Variants in RAP1GDS1 observed in about 807,000 individuals in gnomAD.
The protein encoded by RAP1GDS1 is Rap1 GTPase-GDP dissociation stimulator 1, also known as RAP1, GTP-GDP dissociation stimulator 1.
In RAP1GDS1, 35 loss-of-function variants were observed where a neutral mutation model predicts 71.1. That is an observed-to-expected ratio of 0.49 (90% CI 0.38 to 0.65). The LOEUF (loss-of-function observed/expected upper bound fraction) is 0.65, where lower values mean the gene tolerates loss of function less well. Ranked by LOEUF, RAP1GDS1 falls within the 30% of genes least tolerant of loss-of-function variation. The probability of loss-of-function intolerance (pLI) is 0.00; values close to 1 mark genes in which losing one functional copy is unlikely to be tolerated. For missense variants in RAP1GDS1, 663 were observed against 706.1 expected (o/e 0.94, Z 0.69); for synonymous variants, 229 against 243.1 (o/e 0.94, Z 0.54).
At chr4:98,343,110 C>T (rs1270142132) in intron 2 of RAP1GDS1, 29 bp from the exon 3 acceptor site, 2 of 1,570,224 alleles carry the variant, frequency 1.3e-6, no homozygotes, top group Non-Finnish European at 1.7e-6. Flanking sequence ...AAGATTTTCA[C>T]TGAAGCTCTT....
intron 1 of RAP1GDS1, among the ~76,000 whole-genome samples, chr4:98,280,139 G>A (rs1454992696): frequency 6.6e-6 from 1 of 152,178 alleles, no homozygotes; most frequent in Non-Finnish European, 1.5e-5. Context: ...TGGGATTGCT[G>A]GGTCAAATGA....
At chr4:98,287,845 G>A (rs1480063227) in intron 1 of RAP1GDS1, among the ~76,000 whole-genome samples, 1 of 151,644 alleles carries the variant, frequency 6.6e-6, no homozygotes, top group East Asian at 1.9e-4. Context: ...TTAGTATTTA[G>A]GTACATTCCT....
intron 1 of RAP1GDS1, among the ~76,000 whole-genome samples, chr4:98,292,931 G>A (rs1314674289): frequency 6.6e-6 from 1 of 152,112 alleles, no homozygotes; most frequent in Admixed American, 6.6e-5. Context: ...TGAAATGACA[G>A]TGTAAGTTTT....
At position 98,363,352 on chromosome 4, in the gene RAP1GDS1, C is replaced by T. The variant is rs114421773; in HGVS notation, c.361+10751C>T. Among the ~76,000 whole-genome samples, 1,309 of 151,664 alleles carry T rather than the reference C, an allele frequency of 8.6e-3. 6 individuals are homozygous for T. Among genetic ancestry groups the T allele is most frequent in the Non-Finnish European group, 0.013 (903 of 67,878 alleles). On this transcript the variant is annotated intron_variant, in intron 4 of 14. Transcript: ENST00000408927. ...AATAAAAAATGAGCCATTATGGTGG[C>T]ACGTGTCTGTAATCCCAGCTACTCT...
chr4:98,396,432 A>G (rs1744560227), intron 6 of RAP1GDS1: 1 of 152,180 alleles, frequency 6.6e-6, no homozygotes, highest in African/African-American at 2.4e-5. Flanking sequence ...CATTGAAAAC[A>G]GTTTGATACA....
Position 98,363,348 on chromosome 4 carries a change from G to C in RAP1GDS1, c.361+10747G>C, listed in dbSNP as rs1319171655. ...ACAAAATAAAAAATGAGCCATTATG[G>C]TGGCACGTGTCTGTAATCCCAGCTA... is the stretch of plus-strand genomic sequence containing the variant. On this transcript the variant is annotated intron_variant, in intron 4 of 14. Transcript: ENST00000408927. Among the ~76,000 whole-genome samples, 3 of 151,714 alleles carry C rather than the reference G, an allele frequency of 2.0e-5. No individual in the cohort carries two copies. The East Asian group carries it at 5.8e-4, about 29-fold the overall frequency.
At chr4:98,290,712 ATAGT>A (rs565494029) in intron 1 of RAP1GDS1, among the ~76,000 whole-genome samples, 540 of 152,230 alleles carry the variant, frequency 3.5e-3, no homozygotes, top group Middle Eastern at 6.8e-3. Flanking sequence ...GCGAGGAATG[ATAGT>A]TAGCTGTTCA....
intron 4 of RAP1GDS1, among the ~76,000 whole-genome samples, chr4:98,376,451 T>G (rs1741199731): frequency 6.6e-6 from 1 of 152,068 alleles, no homozygotes; most frequent in African/African-American, 2.4e-5. Flanking sequence ...CTGTTGTATT[T>G]AAAATGATTT....
rs571489056 is a variant in RAP1GDS1, at chr4:98,415,904, C to T, written c.764-841C>T. Among the ~76,000 whole-genome samples the T allele has an allele frequency of 1.2e-4, 19 of 152,126 alleles. No homozygotes were observed. The East Asian group carries it at 1.9e-3, about 15-fold the overall frequency. ...AAACCTGAAGCCCTTTTTAAAAACA[C>T]GACTTTATTTATTTATTTATTTAAT... On this transcript the variant is annotated intron_variant, in intron 7 of 14. Transcript: ENST00000408927.
At chr4:98,320,452 C>T (rs958430491) in intron 2 of RAP1GDS1, among the ~76,000 whole-genome samples, 6 of 152,116 alleles carry the variant, frequency 3.9e-5, no homozygotes, top group East Asian at 1.9e-4. Flanking sequence ...CCAAGATGGC[C>T]GAATAGGAAC....
chr4:98,308,170 G>GTA (rs1421948878), intron 2 of RAP1GDS1, among the ~76,000 whole-genome samples: 1 of 150,694 alleles, frequency 6.6e-6, no homozygotes, highest in Non-Finnish European at 1.5e-5. Flanking sequence ...GTGTGTGTGT[G>GTA]TGTATGTATG....
intron 4 of RAP1GDS1, among the ~76,000 whole-genome samples, chr4:98,357,881 C>T (rs1249222375): frequency 6.6e-6 from 1 of 151,794 alleles, no homozygotes. Flanking sequence ...GTAAAGTAAG[C>T]TTGTGTGGAT....
intron 6 of RAP1GDS1, chr4:98,396,400 C>G (rs1385433398): frequency 6.6e-6 from 1 of 152,170 alleles, no homozygotes; most frequent in East Asian, 1.9e-4. Flanking sequence ...GCTGATTTCT[C>G]TGGTATACAG....
chr4:98,335,033 G>C (rs958129413), intron 2 of RAP1GDS1, among the ~76,000 whole-genome samples: 4 of 151,862 alleles, frequency 2.6e-5, no homozygotes, highest in Non-Finnish European at 4.4e-5. Context: ...TTGAGCTCTG[G>C]ATTTTCCTCG....
intron 7 of RAP1GDS1, among the ~76,000 whole-genome samples, chr4:98,415,302 T>A (rs562974329): frequency 4.6e-5 from 7 of 152,346 alleles, no homozygotes; most frequent in Middle Eastern, 3.4e-3. Context: ...TGTTTTACAA[T>A]CAGACTTCAT....
chr4:98,284,632 A>G (rs2110260808), intron 1 of RAP1GDS1, among the ~76,000 whole-genome samples: 1 of 152,188 alleles, frequency 6.6e-6, no homozygotes, highest in East Asian at 1.9e-4. Flanking sequence ...CTCCTATTGA[A>G]TCTGAGCACA....
At position 98,416,860 on chromosome 4, in the gene RAP1GDS1, A is replaced by C. The variant is rs745708668; in HGVS notation, c.879A>C (p.Ser293=). Residue 293 remains serine (S), a synonymous_variant, in exon 8 of 15, where the codon TCA becomes TCC. Transcript: ENST00000408927. ...ATATTACTGAGCTCAAAACTGGTTC[A>C]GATCTCATGGTTTTATTACTTCTTG... The part of the protein sequence containing the change: ...EDDITELKTG[S]DLMVLLLLGD... 1 of 1,613,880 alleles carries C rather than the reference A, an allele frequency of 6.2e-7. No individual in the cohort carries two copies. The highest frequency in any genetic ancestry group is 8.5e-7 in the Non-Finnish European group (1 of 1,179,930).
intron 2 of RAP1GDS1, among the ~76,000 whole-genome samples, chr4:98,299,192 A>G (rs2110292467): frequency 6.6e-6 from 1 of 152,296 alleles, no homozygotes; most frequent in South Asian, 2.1e-4. Flanking sequence ...TTTGCTCAGA[A>G]TGATGGTTTC....
At position 98,362,778 on chromosome 4, in the gene RAP1GDS1, T is replaced by TA. The variant is rs572800866; in HGVS notation, c.361+10178dup. Among the ~76,000 whole-genome samples, 172 of 152,322 alleles carry TA rather than the reference T, an allele frequency of 1.1e-3. 1 individual carries two copies. The South Asian group carries it at 0.018, about 16-fold the overall frequency. On this transcript the variant is annotated intron_variant, in intron 4 of 14. Transcript: ENST00000408927. Reference sequence around the variant, plus strand: ...ATATTTTTATAGTAATGATTGTACTTACAAAATGTATGTACTGAGAAGATA... The same window carrying TA: ...ATATTTTTATAGTAATGATTGTACTTAACAAAATGTATGTACTGAGAAGATA...
Sources: allele counts gnomAD v4.1 joint callset (sites outside exome capture counted in the v4.1 genomes callset), GRCh38; gene constraint gnomAD v4.1.1; transcripts MANE v1.5; gene names NCBI Gene and HGNC (gene_info 2026-07-23, HGNC 2026-07-21).